The following TSGA10 variants were observed in gnomAD, a reference collection of about 807,000 sequenced individuals.
TSGA10 encodes testis-specific gene 10 protein.
TSGA10 carries 43 observed loss-of-function variants against 96.6 expected under a neutral mutation model. The observed-to-expected ratio is 0.44, with a 90% CI of 0.35 to 0.57. The LOEUF is 0.57. Ranked by LOEUF, TSGA10 falls within the 20% of genes least tolerant of loss-of-function variation. TSGA10 has a pLI of 0.01. For synonymous variants in TSGA10, 229 were observed against 269.9 expected (o/e 0.85, Z 1.48); for missense variants, 703 against 834.4 (o/e 0.84, Z 1.94).
chr2:99,092,916 C>T (rs961820780), intron 10 of TSGA10, among the ~76,000 whole-genome samples: 3 of 152,006 alleles, frequency 2.0e-5, no homozygotes, highest in African/African-American at 7.2e-5. Flanking sequence ...GCCAGCATCA[C>T]CCTAAATACC....
chr2:99,110,139 T>C (rs545656620), intron 5 of TSGA10, among the ~76,000 whole-genome samples: 23 of 152,294 alleles, frequency 1.5e-4, no homozygotes, highest in African/African-American at 5.3e-4. Context: ...CACTCCAGCC[T>C]GGGCAACAAA....
At chr2:99,003,149 G>T (rs1432798978) in intron 20 of TSGA10, among the ~76,000 whole-genome samples, 1 of 152,154 alleles carries the variant, frequency 6.6e-6, no homozygotes, top group Non-Finnish European at 1.5e-5. Context: ...AAGCTACCGT[G>T]CCTGGCCTAA....
At chr2:99,028,543 C>T (rs2080850081) in intron 17 of TSGA10, among the ~76,000 whole-genome samples, 1 of 152,130 alleles carries the variant, frequency 6.6e-6, no homozygotes, top group African/African-American at 2.4e-5. Flanking sequence ...CCATGCTGTA[C>T]ATTAGATCTC....
chr2:99,058,909 C>T (rs942781706), intron 16 of TSGA10, among the ~76,000 whole-genome samples: 2 of 151,142 alleles, frequency 1.3e-5, no homozygotes, highest in Admixed American at 6.6e-5. Context: ...TAGTGGTGGG[C>T]ACCTGTAATC....
chr2:99,042,039 CAT>C lies in TSGA10; in HGVS notation c.1405-6602_1405-6601del, dbSNP rs1491575574. Among the ~76,000 whole-genome samples the C allele has an allele frequency of 1.0e-3, 147 of 140,086 alleles. 13 individuals carry two copies. The highest frequency in any genetic ancestry group is 2.0e-3 in the African/African-American group (70 of 35,712). The allele number at this position is 140,086 out of a possible 152,430, so 91.9% of individuals were successfully genotyped here. On this transcript the variant is annotated intron_variant, in intron 16 of 20. Coordinates refer to ENST00000393483, the MANE Select transcript of TSGA10 (RefSeq NM_025244.4). ...ACATGAATAGACAATTGCCCCCCCA[CAT>C]TTTTTTTTTTTTTTTTTTTGAGACA...
chr2:98,999,745 T>C (rs564822655), intron 20 of TSGA10, among the ~76,000 whole-genome samples: 2 of 152,210 alleles, frequency 1.3e-5, no homozygotes, highest in Non-Finnish European at 2.9e-5. Context: ...CTATTTTATT[T>C]ATACTGTTCT....
chr2:99,049,934 T>C (rs1480655115), intron 16 of TSGA10, among the ~76,000 whole-genome samples: 1 of 152,156 alleles, frequency 6.6e-6, no homozygotes, highest in Non-Finnish European at 1.5e-5. Flanking sequence ...AAAGACAGTA[T>C]AGCTGCATCT....
At chr2:99,023,001 C>G (rs1445267342) in intron 17 of TSGA10, among the ~76,000 whole-genome samples, 1 of 151,984 alleles carries the variant, frequency 6.6e-6, no homozygotes, top group East Asian at 1.9e-4. Context: ...TATCCTTTGC[C>G]TAATTTTTTA....
Position 99,130,317 on chromosome 2 carries a change from CCATT to C in TSGA10, c.-620-3145_-620-3142del, listed in dbSNP as rs199528247. On this transcript the variant is annotated intron_variant, in intron 1 of 20. Coordinates refer to ENST00000393483, the MANE Select transcript of TSGA10 (RefSeq NM_025244.4). ...CTGTTTCCCGACTTTTTAATGATCG[CCATT>C]CAAACTGGTATGAGATGGTATCTCA... is the stretch of plus-strand genomic sequence containing the variant. Among the ~76,000 whole-genome samples the C allele has an allele frequency of 6.6e-3, 1,001 of 152,310 alleles. 11 individuals are homozygous for C. The highest frequency in any genetic ancestry group is 0.023 in the African/African-American group (969 of 41,558).
intron 1 of TSGA10, among the ~76,000 whole-genome samples, chr2:99,137,886 CAAAAAAAA>C (rs35439305): frequency 1.7e-5 from 2 of 116,010 alleles, no homozygotes; most frequent in African/African-American, 6.8e-5. Context: ...GACTCCATGT[CAAAAAAAA>C]AAAAAAAAAG....
Position 99,035,313 on chromosome 2 carries a change from T to C in TSGA10, c.1531A>G (p.Thr511Ala), listed in dbSNP as rs745355909. 3.7e-6 allele frequency: 6 copies of C among 1,613,160 alleles called. No homozygotes were observed. The highest frequency in any genetic ancestry group is 2.2e-5 in the East Asian group (1 of 44,766). Reference sequence around the variant, plus strand: ...TCAAGTTTAATACAGAGTTCCCTAGTAGAAGACAAATCTGCAAGAGCGGAC... The same window carrying C: ...TCAAGTTTAATACAGAGTTCCCTAGCAGAAGACAAATCTGCAAGAGCGGAC... The part of the protein sequence containing the change: ...KVSALADLSS[T>A]RELCIKLDSS... Residue 511 changes from threonine to alanine, a missense_variant, in exon 17 of 21, where the codon ACT becomes GCT. Physicochemically the swap from Thr to Ala is moderately conservative, Grantham distance 58. Coordinates refer to ENST00000393483, the MANE Select transcript of TSGA10 (RefSeq NM_025244.4).
intron 10 of TSGA10, among the ~76,000 whole-genome samples, chr2:99,083,760 AAAATTACAGAGTTGGAC>A (rs1331309050): frequency 3.9e-5 from 6 of 152,178 alleles, no homozygotes; most frequent in African/African-American, 1.4e-4. Flanking sequence ...TTGAAATGAC[AAAATTACAGAGTTGGAC>A]AACAGATTAG....
chr2:99,095,078 T>C (rs1258300291), intron 10 of TSGA10, among the ~76,000 whole-genome samples: 2 of 152,150 alleles, frequency 1.3e-5, no homozygotes. Flanking sequence ...TAAAAAGGAA[T>C]GAAATAATCA....
chr2:99,144,649 C>CAAAA (rs70940140), intron 1 of TSGA10, among the ~76,000 whole-genome samples: 33 of 52,262 alleles, frequency 6.3e-4, no homozygotes, highest in South Asian at 2.2e-3. Context: ...AACTCTGTCT[C>CAAAA]AAAAAAAAAA....
intron 15 of TSGA10, among the ~76,000 whole-genome samples, chr2:99,067,400 G>A (rs908356518): frequency 5.9e-5 from 9 of 152,210 alleles, no homozygotes; most frequent in African/African-American, 2.2e-4. Flanking sequence ...CGAGGTGGGA[G>A]GATCACTTGA....
intron 16 of TSGA10, 65 bp from the exon 17 acceptor site, chr2:99,035,504 A>C: frequency 6.9e-6 from 8 of 1,155,032 alleles, no homozygotes; most frequent in Non-Finnish European, 8.4e-6. Flanking sequence ...AAACTATAAC[A>C]TGGAAAAATG....
intron 1 of TSGA10, among the ~76,000 whole-genome samples, chr2:99,140,168 G>A (rs1166238695): frequency 6.6e-6 from 1 of 152,148 alleles, no homozygotes; most frequent in Non-Finnish European, 1.5e-5. Context: ...TTAATGTACC[G>A]TCCTAGTTAT....
At chr2:99,004,819 G>A (rs1340989508) in intron 20 of TSGA10, among the ~76,000 whole-genome samples, 1 of 152,122 alleles carries the variant, frequency 6.6e-6, no homozygotes, top group East Asian at 1.9e-4. Context: ...TGATACCAAA[G>A]GCTGGCAGAG....
At chr2:99,117,798 C>T in intron 3 of TSGA10, 39 bp from the exon 4 acceptor site, 1 of 952,414 alleles carries the variant, frequency 1.0e-6, no homozygotes, top group Non-Finnish European at 1.3e-6. Flanking sequence ...AAAATAATTC[C>T]TTAGCTTTTT....
Sources: allele counts gnomAD v4.1 joint callset (sites outside exome capture counted in the v4.1 genomes callset), GRCh38; gene constraint gnomAD v4.1.1; transcripts MANE v1.5; gene names NCBI Gene and HGNC (gene_info 2026-07-23, HGNC 2026-07-21).